Variants in MAGI1 observed in about 807,000 individuals in gnomAD.
MAGI1 encodes the protein membrane associated guanylate kinase, WW and PDZ domain containing 1, also known as membrane-associated guanylate kinase, WW and PDZ domain-containing protein 1.
Under a neutral mutation model 139.9 loss-of-function variants are expected in MAGI1, and 58 were observed. That is an observed-to-expected ratio of 0.41 (90% CI 0.34 to 0.52). The LOEUF (loss-of-function observed/expected upper bound fraction) is 0.52, where lower values mean the gene tolerates loss of function less well. Among genes scored for constraint, MAGI1 ranks in the 20% least tolerant of loss-of-function variants. The pLI is 0.12. For synonymous variants in MAGI1, 812 were observed against 737.9 expected, an observed-to-expected ratio of 1.10 and a Z score of -1.63; for missense variants, 1,874 against 1,901.6, an observed-to-expected ratio of 0.99 and a Z score of 0.27.
rs570729844 is a variant in MAGI1 at position 65,885,833 on chromosome 3, G to A, written c.313+152163C>T. ...AGGTATGTGTGTACTAGCAGCGTGA[G>A]AACGAACTAACACAGTACGAAATGG... is the stretch of plus-strand genomic sequence containing the variant. On this transcript the variant is annotated intron_variant, in intron 1 of 22. Transcript: ENST00000402939. 2.4e-3 allele frequency among the ~76,000 whole-genome samples: 370 copies of A among 152,250 alleles called. 2 individuals carry two copies. Among genetic ancestry groups the A allele is most frequent in the Non-Finnish European group, 4.1e-3 (280 of 68,024 alleles).
intron 1 of MAGI1, among the ~76,000 whole-genome samples, chr3:65,981,021 C>T (rs1371178579): frequency 6.6e-6 from 1 of 151,850 alleles, no homozygotes. Context: ...ATTAGCTGGG[C>T]ATCAAGGCGT....
chr3:65,415,925 C>T (rs1354252213), intron 12 of MAGI1, among the ~76,000 whole-genome samples: 1 of 152,086 alleles, frequency 6.6e-6, no homozygotes, highest in Non-Finnish European at 1.5e-5. Flanking sequence ...CAGATGCAGA[C>T]AAACTATATA....
At chr3:65,551,833 C>T (rs1053478171) in intron 2 of MAGI1, among the ~76,000 whole-genome samples, 1 of 152,200 alleles carries the variant, frequency 6.6e-6, no homozygotes, top group African/African-American at 2.4e-5. Context: ...AAGAGAGTAA[C>T]ATCACATTTA....
intron 1 of MAGI1, among the ~76,000 whole-genome samples, chr3:65,992,568 A>T (rs538879421): frequency 1.3e-5 from 2 of 152,266 alleles, no homozygotes; most frequent in South Asian, 4.2e-4. Flanking sequence ...CTTTCCAAGG[A>T]CCCTTCCAAG....
chr3:65,759,027 T>C (rs1015848437), intron 1 of MAGI1, among the ~76,000 whole-genome samples: 1 of 139,414 alleles, frequency 7.2e-6, no homozygotes, highest in Non-Finnish European at 1.5e-5. Flanking sequence ...ATATTTTCTT[T>C]ACCACAGCCC....
chr3:65,919,179 C>A (rs184181324), intron 1 of MAGI1, among the ~76,000 whole-genome samples: 115 of 152,278 alleles, frequency 7.6e-4, no homozygotes, highest in Middle Eastern at 6.8e-3. Context: ...TTTGAGGGAG[C>A]TTTCCCCCCA....
intron 1 of MAGI1, among the ~76,000 whole-genome samples, chr3:65,800,917 A>T (rs1006696661): frequency 1.3e-5 from 2 of 152,130 alleles, no homozygotes; most frequent in Non-Finnish European, 2.9e-5. Flanking sequence ...AATAGTAAAA[A>T]CCGCAGTCAC....
At chr3:65,437,716 G>A (rs897660957) in intron 9 of MAGI1, among the ~76,000 whole-genome samples, 3 of 152,058 alleles carry the variant, frequency 2.0e-5, no homozygotes, top group African/African-American at 4.8e-5. Context: ...AAATACTCCT[G>A]GGTCCTAATT....
At chr3:65,789,638 T>C (rs1423413337) in intron 1 of MAGI1, among the ~76,000 whole-genome samples, 1 of 152,168 alleles carries the variant, frequency 6.6e-6, no homozygotes, top group South Asian at 2.1e-4. Flanking sequence ...CCAAACTTAC[T>C]GAGCCACTTT....
intron 7 of MAGI1, 151 bp from the exon 8 acceptor site, chr3:65,443,000 A>C (rs1348653328): frequency 2.0e-6 from 1 of 509,148 alleles, no homozygotes; most frequent in Non-Finnish European, 3.5e-6. Flanking sequence ...AAAAAAAAGT[A>C]TCTATTATTT....
intron 1 of MAGI1, among the ~76,000 whole-genome samples, chr3:65,647,585 C>T (rs2085334280): frequency 6.6e-6 from 1 of 152,142 alleles, no homozygotes; most frequent in Non-Finnish European, 1.5e-5. Context: ...TCCAGGGATG[C>T]AAGGTTGGTT....
At chr3:65,391,066 T>C (rs1943888020) in intron 14 of MAGI1, 76 bp downstream of exon 14, 18 of 1,306,276 alleles carry the variant, frequency 1.4e-5, no homozygotes, top group African/African-American at 3.0e-5. Flanking sequence ...AACTCATCTA[T>C]TTTCAATAAC....
At chr3:65,669,649 T>G (rs2086736640) in intron 1 of MAGI1, among the ~76,000 whole-genome samples, 1 of 152,230 alleles carries the variant, frequency 6.6e-6, no homozygotes, top group South Asian at 2.1e-4. Context: ...AAAGCCATGT[T>G]TCATTTCCTG....
intron 1 of MAGI1, among the ~76,000 whole-genome samples, chr3:65,969,351 G>A (rs1462976698): frequency 6.6e-6 from 1 of 152,170 alleles, no homozygotes; most frequent in Non-Finnish European, 1.5e-5. Flanking sequence ...CTGTGTTAGG[G>A]GCTGGGGGGT....
intron 1 of MAGI1, among the ~76,000 whole-genome samples, chr3:65,863,818 G>A (rs1017125747): frequency 2.0e-5 from 3 of 151,876 alleles, no homozygotes; most frequent in African/African-American, 4.8e-5. Context: ...TATAAAAATC[G>A]ACATAGTCCC....
In MAGI1 at chr3:65,395,636, CAAAAAAAAAA is replaced by C. The variant is rs58806140; in HGVS notation, c.2200-4288_2200-4279del. Among the ~76,000 whole-genome samples the C allele has an allele frequency of 2.9e-3, 56 of 19,182 alleles. 2 individuals carry two copies. In the South Asian group the frequency reaches 0.1, roughly 35 times the overall value. 12.6% of individuals were successfully genotyped at this position (19,182 alleles called of 152,430 possible). On this transcript the variant is annotated intron_variant, in intron 13 of 22. Coordinates refer to ENST00000402939, the MANE Select transcript of MAGI1 (RefSeq NM_001033057.2). The stretch of plus-strand genomic sequence containing the variant: ...TGGGTGACAGAGCGAGACTCCATCT[CAAAAAAAAAA>C]AAAAAAAAAAAGAGGGTGTGCTAAG...
chr3:65,765,163 G>C (rs1211946505), intron 1 of MAGI1, among the ~76,000 whole-genome samples: 2 of 152,130 alleles, frequency 1.3e-5, no homozygotes, highest in African/African-American at 2.4e-5. Flanking sequence ...TATCTGACTT[G>C]CCTGTTCCCA....
chr3:65,447,141 A>G (rs1469954629), intron 7 of MAGI1, among the ~76,000 whole-genome samples: 1 of 152,212 alleles, frequency 6.6e-6, no homozygotes. Context: ...ACAATCTTCA[A>G]TTGCTAAAGA....
chr3:65,939,459 C>T (rs942429594), intron 1 of MAGI1, among the ~76,000 whole-genome samples: 2 of 152,142 alleles, frequency 1.3e-5, no homozygotes, highest in African/African-American at 4.8e-5. Flanking sequence ...GACAGTGGAT[C>T]TTAAATTACT....
Sources: gnomAD v4.1 joint callset for allele counts (sites outside exome capture counted in the v4.1 genomes callset) on GRCh38, gnomAD v4.1.1 for gene constraint, MANE v1.5 for transcripts, NCBI Gene and HGNC (gene_info 2026-07-23, HGNC 2026-07-21) for gene names.